Variants in TEX10 observed in about 807,000 individuals in gnomAD.
TEX10 encodes testis-expressed protein 10.
In TEX10, 24 loss-of-function variants were observed where a neutral mutation model predicts 104.4. The observed-to-expected ratio is 0.23, with a 90% CI of 0.17 to 0.32. The LOEUF (loss-of-function observed/expected upper bound fraction) is 0.32, where lower values mean the gene tolerates loss of function less well. TEX10 is among the 10% of genes least tolerant of loss of function. TEX10 has a pLI of 1.00. For missense variants in TEX10, 921 were observed against 1,083.9 expected (o/e 0.85, Z 2.11); for synonymous variants, 396 against 393.4 (o/e 1.01, Z -0.08).
At chr9:100,306,335 G>A (rs1054144123) in intron 13 of TEX10, 1 of 152,064 alleles carries the variant, frequency 6.6e-6, no homozygotes, top group African/African-American at 2.4e-5. Context: ...ACTATGTCTA[G>A]GGCAGGATAA....
In TEX10 at chr9:100,302,138, C is replaced by CAAAT. The variant is rs1564198713; in HGVS notation, c.*49_*52dup. On this transcript the variant is annotated 3_prime_UTR_variant, in exon 15 of 15. Transcript: ENST00000374902. ...GATCTATTACATCAGTCTTTTTCTT[C>CAAAT]AAATAAGATAGATGTGAATAAACAA... The CAAAT allele has an allele frequency of 1.8e-6, 2 of 1,100,022 alleles. No individual in the cohort carries two copies. Among genetic ancestry groups the CAAAT allele is most frequent in the South Asian group, 2.1e-5 (1 of 48,380 alleles). The allele number at this position is 1,100,022 out of a possible 1,614,324, so 68.1% of individuals were successfully genotyped here.
chr9:100,325,047 T>C (rs970631576), intron 9 of TEX10, among the ~76,000 whole-genome samples: 19 of 152,216 alleles, frequency 1.2e-4, no homozygotes, highest in Non-Finnish European at 2.9e-5. Flanking sequence ...ATATTTTATT[T>C]ATATGTTTTT....
In TEX10 at chr9:100,329,234, G is replaced by C; in HGVS notation, c.1531C>G (p.Gln511Glu). The C allele has an allele frequency of 6.2e-7, 1 of 1,611,496 alleles. No individual in the cohort carries two copies. Among genetic ancestry groups the C allele is most frequent in the Non-Finnish European group, 8.5e-7 (1 of 1,179,420 alleles). ...ACTGGAAGGATAAGGCCCCTCTGCTGATATAATGTATAAACTGCCTTAATA... is the reference window on the plus strand; with the variant it reads ...ACTGGAAGGATAAGGCCCCTCTGCTCATATAATGTATAAACTGCCTTAATA... The part of the protein sequence containing the change: ...TLIKAVYTLY[Q>E]QRGLILPVRT... The change falls in exon 7 of 15, where the codon CAG becomes GAG. Residue 511 changes from glutamine (Q) to glutamate (E), a missense_variant. Gln to Glu is a conservative substitution (Grantham distance 29). Coordinates refer to ENST00000374902, the MANE Select transcript of TEX10 (RefSeq NM_017746.4).
intron 5 of TEX10, among the ~76,000 whole-genome samples, chr9:100,337,190 A>G (rs757307101): frequency 2.0e-5 from 3 of 152,194 alleles, no homozygotes; most frequent in Non-Finnish European, 4.4e-5. Context: ...TTTTCATTAG[A>G]CCGTACTCCA....
chr9:100,317,475 T>A (rs909106463), intron 11 of TEX10, among the ~76,000 whole-genome samples: 2 of 152,030 alleles, frequency 1.3e-5, no homozygotes, highest in Non-Finnish European at 2.9e-5. Flanking sequence ...TCTTACAATA[T>A]ACAAAAATCA....
At chr9:100,332,010 G>A (rs1251632787) in intron 5 of TEX10, among the ~76,000 whole-genome samples, 3 of 152,170 alleles carry the variant, frequency 2.0e-5, no homozygotes, top group Admixed American at 2.0e-4. Context: ...GAAGAAAAAG[G>A]GGCAGAGAGA....
At position 100,327,973 on chromosome 9, in the gene TEX10, C is replaced by A; in HGVS notation, c.1626-11G>T. The A allele has an allele frequency of 1.3e-6, 2 of 1,506,506 alleles. No individual in the cohort carries two copies. The highest frequency in any genetic ancestry group is 1.8e-6 in the Non-Finnish European group (2 of 1,114,348). 93.3% of individuals were successfully genotyped at this position (1,506,506 alleles called of 1,614,324 possible). On this transcript the variant is annotated splice_polypyrimidine_tract_variant and intron_variant, in intron 7 of 14. Coordinates refer to ENST00000374902, the MANE Select transcript of TEX10 (RefSeq NM_017746.4). ...ACTTTACTACGATATCTTAGAAAGG[C>A]CAAAGAAGAATAAAATGTAATACTC...
chr9:100,323,192 T>C (rs1834615126), intron 9 of TEX10, among the ~76,000 whole-genome samples: 1 of 152,188 alleles, frequency 6.6e-6, no homozygotes, highest in Non-Finnish European at 1.5e-5. Context: ...TCTGACCCTG[T>C]GAAAAGTGAT....
At chr9:100,335,734 CTTTT>C (rs990826760) in intron 5 of TEX10, among the ~76,000 whole-genome samples, 1 of 144,964 alleles carries the variant, frequency 6.9e-6, no homozygotes, top group African/African-American at 2.5e-5. Context: ...AAAGCATGTC[CTTTT>C]TTTTTTTGAG....
At chr9:100,323,397 G>T (rs935981091) in intron 9 of TEX10, among the ~76,000 whole-genome samples, 7 of 152,144 alleles carry the variant, frequency 4.6e-5, no homozygotes, top group Non-Finnish European at 1.0e-4. Flanking sequence ...ACTTCTTGGT[G>T]CAAGCCAATT....
rs1434930794 is a variant in TEX10 at position 100,310,316 on chromosome 9, C to T, written c.2266G>A (p.Ala756Thr). 1 of 1,614,030 alleles carries T rather than the reference C, an allele frequency of 6.2e-7. No individual in the cohort carries two copies. The highest frequency in any genetic ancestry group is 1.7e-5 in the Admixed American group (1 of 60,010). ...RSQNFDILQS[A>T]ISKHLVGLTV... The stretch of plus-strand genomic sequence containing the variant: ...ATACTTACCAAATGCTTACTGATGG[C>T]ACTTTGCAAGATGTCAAAGTTCTGA... Residue 756 changes from alanine (A) to threonine (T), a missense_variant, in exon 12 of 15, where the codon GCC becomes ACC. This residue lies in a region of TEX10 where 753 missense variants were observed against 868.4 expected (regional missense o/e 0.87). Coordinates refer to ENST00000374902, the MANE Select transcript of TEX10 (RefSeq NM_017746.4).
At chr9:100,342,907 G>A (rs1375555858) in intron 4 of TEX10, among the ~76,000 whole-genome samples, 1 of 152,046 alleles carries the variant, frequency 6.6e-6, no homozygotes, top group Non-Finnish European at 1.5e-5. Flanking sequence ...CAGCACTTTG[G>A]GAGGCTGAGA....
At position 100,321,259 on chromosome 9, in the gene TEX10, CT is replaced by C. The variant is rs569161983; in HGVS notation, c.2068+423del. 1.8e-4 allele frequency among the ~76,000 whole-genome samples: 27 copies of C among 152,250 alleles called. No individual in the cohort carries two copies. The South Asian group carries it at 5.2e-3, about 29-fold the overall frequency. ...AGCATAGTATTGGATCTGTCAAGTT[CT>C]TTTTGGATCCTGACACTATATTAAC... On this transcript the variant is annotated intron_variant, in intron 10 of 14. Coordinates refer to ENST00000374902, the MANE Select transcript of TEX10 (RefSeq NM_017746.4).
chr9:100,346,451 G>T, intron 3 of TEX10, 136 bp from the exon 4 acceptor site: 1 of 1,134,124 alleles, frequency 8.8e-7, no homozygotes, highest in Non-Finnish European at 1.2e-6. Flanking sequence ...AAACTAGTAA[G>T]AAAAATGAAA....
At chr9:100,303,962 C>G in intron 13 of TEX10, 120 bp from the exon 14 acceptor site, 2 of 957,752 alleles carry the variant, frequency 2.1e-6, no homozygotes, top group Admixed American at 4.3e-5. Context: ...AACATTTAAA[C>G]TGAGAGCCAA....
rs114874303 is a variant in TEX10, at chr9:100,312,533, C to T, written c.2203-2154G>A. 1.0e-2 allele frequency among the ~76,000 whole-genome samples: 1,522 copies of T among 152,252 alleles called. 19 individuals carry two copies. Among genetic ancestry groups the T allele is most frequent in the African/African-American group, 0.035 (1,439 of 41,542 alleles). On this transcript the variant is annotated intron_variant, in intron 11 of 14. Transcript: ENST00000374902. ...CTACTTTATGTCCAATAAGAGGATACGGGAGAAGCAACATCCAACAGCAAT... is the reference window on the plus strand; with the variant it reads ...CTACTTTATGTCCAATAAGAGGATATGGGAGAAGCAACATCCAACAGCAAT...
chr9:100,304,518 A>ATCCT (rs1444359487), intron 13 of TEX10: 35 of 152,394 alleles, frequency 2.3e-4, no homozygotes, highest in African/African-American at 8.4e-4. Context: ...ACAATTGGCT[A>ATCCT]TCCTTTTGTA....
chr9:100,307,193 G>T (rs1213415392), intron 13 of TEX10: 1 of 152,132 alleles, frequency 6.6e-6, no homozygotes, highest in African/African-American at 2.4e-5. Context: ...GCTAAGTTAT[G>T]GTACATGCAT....
Position 100,321,739 on chromosome 9 carries a change from T to G in TEX10, c.2012A>C (p.Lys671Thr). The change falls in exon 10 of 15, where the codon AAA becomes ACA. Residue 671 changes from lysine to threonine, a missense_variant. Around this residue, in one of 3 missense-constraint regions of TEX10, gnomAD observed 753 missense variants for 868.4 expected, o/e 0.87. Transcript: ENST00000374902. ...GTCTACATCACTCATCAACCAGTCT[T>G]TAGCTGAATACTTCCACCCAGAAAA... is the stretch of plus-strand genomic sequence containing the variant. ...SSFSGWKYSA[K>T]DWLMSDVDYF... is the part of the protein sequence containing the mutation. The G allele has an allele frequency of 6.2e-7, 1 of 1,612,646 alleles. No individual in the cohort carries two copies. The highest frequency in any genetic ancestry group is 8.5e-7 in the Non-Finnish European group (1 of 1,179,704).
Sources: allele counts gnomAD v4.1 joint callset (sites outside exome capture counted in the v4.1 genomes callset), GRCh38; gene constraint gnomAD v4.1.1; regional missense constraint gnomAD v4.1.1; transcripts MANE v1.5; gene names NCBI Gene and HGNC (gene_info 2026-07-23, HGNC 2026-07-21).